The following EPSTI1 variants were observed in gnomAD, a reference collection of about 807,000 sequenced individuals.
The protein encoded by EPSTI1 is epithelial-stromal interaction protein 1.
Under a neutral mutation model 49.9 loss-of-function variants are expected in EPSTI1, and 66 were observed. The ratio of observed to expected loss-of-function variants is 1.32; its 90% CI spans 1.08 to 1.62. The LOEUF (loss-of-function observed/expected upper bound fraction) is 1.62, where lower values mean the gene tolerates loss of function less well. Among genes scored for constraint, EPSTI1 ranks in the 40% most tolerant of loss-of-function variants. The probability of loss-of-function intolerance (pLI) is 0.00; values close to 1 mark genes in which losing one functional copy is unlikely to be tolerated. For synonymous variants in EPSTI1, 137 were observed against 130.7 expected (o/e 1.05, Z -0.33); for missense variants, 394 against 365.5 (o/e 1.08, Z -0.64).
intron 9 of EPSTI1, among the ~76,000 whole-genome samples, chr13:42,899,634 A>C (rs1448233051): frequency 6.6e-6 from 1 of 152,222 alleles, no homozygotes; most frequent in Admixed American, 6.5e-5. Context: ...AAATTGTGAA[A>C]ACCCTTACAT....
rs554628556 is a variant in EPSTI1, at chr13:42,917,214, G to A, written c.741+327C>T. ...ACCATCTCTAATTTCATATATCTTC[G>A]GTTTAAAAATAGCAGTGATGGTGGT... is the stretch of plus-strand genomic sequence containing the variant. On this transcript the variant is annotated intron_variant, in intron 8 of 10. Transcript: ENST00000313624. Among the ~76,000 whole-genome samples the A allele has an allele frequency of 7.2e-5, 11 of 151,842 alleles. No individual in the cohort carries two copies. The South Asian group carries it at 8.3e-4, about 11-fold the overall frequency.
intron 1 of EPSTI1, among the ~76,000 whole-genome samples, chr13:42,983,563 CAAAAAAAAAA>C (rs56259281): frequency 4.2e-5 from 4 of 95,498 alleles, no homozygotes; most frequent in Admixed American, 1.2e-4. Flanking sequence ...GACTCCATCT[CAAAAAAAAAA>C]AAAAAAAAAA....
chr13:42,898,727 C>G (rs976269983), intron 9 of EPSTI1, among the ~76,000 whole-genome samples: 3 of 152,120 alleles, frequency 2.0e-5, no homozygotes, highest in Admixed American at 6.5e-5. Context: ...TTATTAGGTG[C>G]CCATCAAAGA....
rs1382266357 is a variant in EPSTI1 at position 42,922,822 on chromosome 13, G to T, written c.657+3514C>A. Among the ~76,000 whole-genome samples the T allele has an allele frequency of 6.6e-6, 1 of 152,184 alleles. No individual in the cohort carries two copies. Among genetic ancestry groups the T allele is most frequent in the Non-Finnish European group, 1.5e-5 (1 of 68,042 alleles). On this transcript the variant is annotated intron_variant, in intron 7 of 10. Coordinates refer to ENST00000313624, the MANE Select transcript of EPSTI1 (RefSeq NM_033255.5). This position sits in a 1 kb window ranked among gnomAD's most constrained non-coding sequence, Gnocchi z 4.8. The stretch of plus-strand genomic sequence containing the variant: ...AGTGTGAGAGAGGAGAGCTGGAGAG[G>T]CATGAGCTATAGAGCTTGGCCCCTC...
intron 8 of EPSTI1, among the ~76,000 whole-genome samples, chr13:42,911,264 T>TGTGTGTGTGC (rs549150890): frequency 7.3e-4 from 108 of 148,550 alleles, no homozygotes; most frequent in African/African-American, 2.6e-3. Flanking sequence ...TGTGTGTGTG[T>TGTGTGTGTGC]GCGCGCGCAC....
At chr13:42,979,616 A>G (rs2039952498) in intron 1 of EPSTI1, among the ~76,000 whole-genome samples, 4 of 151,032 alleles carry the variant, frequency 2.6e-5, no homozygotes, top group South Asian at 4.2e-4. Context: ...AAGAAAAGAA[A>G]TTTTAAGCCT....
intron 6 of EPSTI1, among the ~76,000 whole-genome samples, chr13:42,938,914 C>CAAAAAAAAAAAAACAA (rs2038656112): frequency 1.7e-5 from 1 of 59,676 alleles, no homozygotes; most frequent in Non-Finnish European, 2.8e-5. Flanking sequence ...GACTCTGTCT[C>CAAAAAAAAAAAAACAA]AAAAAAAAAA....
At chr13:42,917,163 C>A (rs905967744) in intron 8 of EPSTI1, among the ~76,000 whole-genome samples, 2 of 152,176 alleles carry the variant, frequency 1.3e-5, no homozygotes, top group African/African-American at 4.8e-5. Flanking sequence ...TGCCTACTTT[C>A]TTATGCATTA....
chr13:42,939,734 A>T (rs2038691247), intron 6 of EPSTI1, among the ~76,000 whole-genome samples: 1 of 152,238 alleles, frequency 6.6e-6, no homozygotes, highest in Admixed American at 6.5e-5. Context: ...TATTGTACAG[A>T]TTACCAAAAT....
At chr13:42,893,518 A>G (rs2037098948) in intron 10 of EPSTI1, among the ~76,000 whole-genome samples, 1 of 152,218 alleles carries the variant, frequency 6.6e-6, no homozygotes, top group Non-Finnish European at 1.5e-5. Flanking sequence ...TCACCCAATC[A>G]GCCTCACTAT....
At chr13:42,905,038 G>A (rs1028213028) in intron 8 of EPSTI1, among the ~76,000 whole-genome samples, 1 of 152,134 alleles carries the variant, frequency 6.6e-6, no homozygotes, top group African/African-American at 2.4e-5. Flanking sequence ...TTTATTATCA[G>A]TGTGAGAGGC....
Position 42,988,753 on chromosome 13 carries a change from A to T in EPSTI1, c.188+3225T>A, listed in dbSNP as rs73472167. 2.6e-5 allele frequency among the ~76,000 whole-genome samples: 4 copies of T among 151,914 alleles called. No individual in the cohort carries two copies. The East Asian group carries it at 7.7e-4, about 29-fold the overall frequency. On this transcript the variant is annotated intron_variant, in intron 1 of 10. Transcript: ENST00000313624. The stretch of plus-strand genomic sequence containing the variant: ...CTCAAAAAAAAAAAAAAAGAACTCA[A>T]TCTTGTCTGAGAGTCTATCAGAGGT...
At chr13:42,943,502 C>T (rs1389506352) in intron 6 of EPSTI1, among the ~76,000 whole-genome samples, 1 of 152,102 alleles carries the variant, frequency 6.6e-6, no homozygotes, top group Non-Finnish European at 1.5e-5. Flanking sequence ...TGTGAGGAAA[C>T]GAGGCCCCAA....
chr13:42,912,179 G>T (rs935213904), intron 8 of EPSTI1, among the ~76,000 whole-genome samples: 1 of 152,194 alleles, frequency 6.6e-6, no homozygotes, highest in African/African-American at 2.4e-5. Context: ...AAGGAGACAG[G>T]TTACATTACC....
At chr13:42,959,947 T>C (rs4274334) in intron 5 of EPSTI1, among the ~76,000 whole-genome samples, 110,004 of 152,054 alleles carry the variant, frequency 0.72, 40,851 homozygotes, top group Middle Eastern at 0.87. Context: ...CTAAACAATA[T>C]AGTATAACAA....
chr13:42,922,179 A>G lies in EPSTI1; in HGVS notation c.657+4157T>C, dbSNP rs916807565. Among the ~76,000 whole-genome samples, 1 of 152,238 alleles carries G rather than the reference A, an allele frequency of 6.6e-6. No individual in the cohort carries two copies. The highest frequency in any genetic ancestry group is 2.4e-5 in the African/African-American group (1 of 41,468). On this transcript the variant is annotated intron_variant, in intron 7 of 10. Transcript: ENST00000313624. The surrounding 1 kb of genome is among the most constrained non-coding windows in gnomAD (Gnocchi z 4.8). The stretch of plus-strand genomic sequence containing the variant: ...GTCTAAAATTGATTAGTCAAGAGAT[A>G]CCAACACATATTAACAGATATTCGG...
rs941963714 is a variant in EPSTI1 at position 42,992,132 on chromosome 13, G to T, written c.34C>A (p.Leu12Ile). The T allele has an allele frequency of 5.0e-6, 8 of 1,606,222 alleles. No homozygotes were observed. Among genetic ancestry groups the T allele is most frequent in the African/African-American group, 1.3e-5 (1 of 74,658 alleles). Reference sequence around the variant, plus strand: ...GGGCGGGAGGCAGGGGAGGCGCCGAGCCCGGAGTTCACCACTCTATTGCGG... The same window carrying T: ...GGGCGGGAGGCAGGGGAGGCGCCGATCCCGGAGTTCACCACTCTATTGCGG... The part of the protein sequence containing the change: ...NTRNRVVNSG[L>I]GASPASRPTR... The change falls in exon 1 of 11, where the codon CTC (leucine) becomes ATC (isoleucine). Residue 12 changes from leucine (L) to isoleucine (I), a missense_variant. Transcript: ENST00000313624.
chr13:42,945,042 A>T (rs992127477), intron 6 of EPSTI1, among the ~76,000 whole-genome samples: 2 of 152,138 alleles, frequency 1.3e-5, no homozygotes, highest in African/African-American at 4.8e-5. Flanking sequence ...GCTTCCTTAA[A>T]TCTTCCCCTA....
intron 5 of EPSTI1, among the ~76,000 whole-genome samples, chr13:42,959,927 T>G: frequency 6.6e-6 from 1 of 152,216 alleles, no homozygotes; most frequent in Non-Finnish European, 1.5e-5. Context: ...TATTTTCTTG[T>G]CATTATTCCC....
Sources: allele counts gnomAD v4.1 joint callset (sites outside exome capture counted in the v4.1 genomes callset), GRCh38; gene constraint gnomAD v4.1.1; non-coding constraint Gnocchi (gnomAD v3.1); transcripts MANE v1.5; gene names NCBI Gene and HGNC (gene_info 2026-07-23, HGNC 2026-07-21).